LRRN2: variants seen among roughly 807,000 people sequenced by gnomAD.
LRRN2 encodes leucine rich repeat neuronal 2, also known as leucine-rich repeat neuronal protein 2.
LRRN2 carries 10 observed loss-of-function variants against 35.7 expected under a neutral mutation model. That is an observed-to-expected ratio of 0.28 (90% CI 0.17 to 0.47). LRRN2 has a LOEUF of 0.47. LRRN2 is among the 20% of genes least tolerant of loss of function. LRRN2 has a pLI of 0.99. For missense variants in LRRN2, 731 were observed against 940.3 expected (o/e 0.78, Z 2.91); for synonymous variants, 391 against 409.6 (o/e 0.95, Z 0.55).
chr1:204,638,290 C>T (rs924550063), intron 1 of LRRN2, among the ~76,000 whole-genome samples: 10 of 151,860 alleles, frequency 6.6e-5, no homozygotes, highest in Non-Finnish European at 1.3e-4. Context: ...TGATTTTGTG[C>T]ACCATTTCAT....
chr1:204,631,346 G>C (rs554223842), intron 1 of LRRN2, among the ~76,000 whole-genome samples: 1 of 129,010 alleles, frequency 7.8e-6, no homozygotes, highest in East Asian at 2.4e-4. Flanking sequence ...GGGTTTTCAA[G>C]ACTCCCCTCA....
chr1:204,644,439 C>A (rs1290877424), intron 1 of LRRN2, among the ~76,000 whole-genome samples: 3 of 152,202 alleles, frequency 2.0e-5, no homozygotes, highest in Non-Finnish European at 4.4e-5. Context: ...CTGCCCACCT[C>A]TTCAGATCCT....
In LRRN2 at chr1:204,631,256, C is replaced by CAATATATATATATATATATATA. The variant is rs1282306008; in HGVS notation, c.-226-11039_-226-11038insTATATATATATATATATATATT. On this transcript the variant is annotated intron_variant, in intron 1 of 1. Transcript: ENST00000367177. ...CAAGAAGAGTGATACCTAGAGTGTT[C>CAATATATATATATATATATATA]TATATATATATATATATATATATAT... Among the ~76,000 whole-genome samples the CAATATATATATATATATATATA allele has an allele frequency of 6.5e-4, 24 of 36,914 alleles. 5 individuals are homozygous for CAATATATATATATATATATATA. The highest frequency in any genetic ancestry group is 5.4e-3 in the South Asian group (5 of 928). 24.2% of individuals were successfully genotyped at this position (36,914 alleles called of 152,430 possible).
chr1:204,623,644 T>G (rs747343734), intron 1 of LRRN2, among the ~76,000 whole-genome samples: 1 of 152,228 alleles, frequency 6.6e-6, no homozygotes, highest in African/African-American at 2.4e-5. Context: ...GCAGGCTGAT[T>G]AGCAGTTTCT....
chr1:204,644,879 C>T (rs1377891542), intron 1 of LRRN2, among the ~76,000 whole-genome samples: 1 of 152,200 alleles, frequency 6.6e-6, no homozygotes, highest in East Asian at 1.9e-4. Flanking sequence ...GCAGTCCCTC[C>T]CCAAGGGTAG....
chr1:204,682,699 T>C lies in LRRN2; in HGVS notation c.-227+2621A>G, dbSNP rs1160098793. Among the ~76,000 whole-genome samples the C allele has an allele frequency of 2.0e-5, 3 of 152,230 alleles. No homozygotes were observed. The East Asian group carries it at 5.8e-4, about 29-fold the overall frequency. On this transcript the variant is annotated intron_variant, in intron 1 of 1. Transcript: ENST00000367177. ...TTTGATTCCTTCCCCCTTCTCTGTC[T>C]GAAGCACCAGCCTTCTACTTGCCCT...
At chr1:204,660,719 A>C (rs1176022228) in intron 1 of LRRN2, among the ~76,000 whole-genome samples, 1 of 152,130 alleles carries the variant, frequency 6.6e-6, no homozygotes, top group Non-Finnish European at 1.5e-5. Flanking sequence ...GAGAGGCCTA[A>C]ATAAGTTGCA....
chr1:204,636,732 T>C (rs532700545), intron 1 of LRRN2, among the ~76,000 whole-genome samples: 9 of 152,242 alleles, frequency 5.9e-5, no homozygotes, highest in African/African-American at 1.9e-4. Context: ...ATGACTGCAC[T>C]CCAGCCTGGG....
At chr1:204,625,761 T>C (rs1391074589) in intron 1 of LRRN2, among the ~76,000 whole-genome samples, 1 of 152,248 alleles carries the variant, frequency 6.6e-6, no homozygotes, top group African/African-American at 2.4e-5. Context: ...ATTAGGGAAC[T>C]TTAAATCCAC....
In LRRN2 at chr1:204,617,599, CAA is replaced by C. The variant is rs1666432777; in HGVS notation, c.*250_*251del. On this transcript the variant is annotated 3_prime_UTR_variant, in exon 2 of 2. Coordinates refer to ENST00000367177, the MANE Select transcript of LRRN2 (RefSeq NM_201630.2). ...AGATGGGGAGGCAGGAGGCTCTAGC[CAA>C]AGTCCCTCCTGTTCCTTGGAGATGT... is the stretch of plus-strand genomic sequence containing the variant. 1 of 505,226 alleles carries C rather than the reference CAA, an allele frequency of 2.0e-6. No individual in the cohort carries two copies. The highest frequency in any genetic ancestry group is 3.5e-6 in the Non-Finnish European group (1 of 282,488). 31.3% of individuals were successfully genotyped at this position (505,226 alleles called of 1,614,324 possible).
chr1:204,655,724 G>C lies in LRRN2; in HGVS notation c.-227+29596C>G, dbSNP rs562215814. Reference sequence around the variant, plus strand: ...ATAGATACAAGATGAACAAGATCCAGCCTCTGTCCTGAGGGAGATCTGTAC... The same window carrying C: ...ATAGATACAAGATGAACAAGATCCACCCTCTGTCCTGAGGGAGATCTGTAC... On this transcript the variant is annotated intron_variant, in intron 1 of 1. Coordinates refer to ENST00000367177, the MANE Select transcript of LRRN2 (RefSeq NM_201630.2). Among the ~76,000 whole-genome samples the C allele has an allele frequency of 2.6e-5, 4 of 152,068 alleles. No homozygotes were observed. The South Asian group carries it at 6.2e-4, about 24-fold the overall frequency.
At chr1:204,674,184 C>T (rs1558423333) in intron 1 of LRRN2, among the ~76,000 whole-genome samples, 1 of 152,130 alleles carries the variant, frequency 6.6e-6, no homozygotes, top group Non-Finnish European at 1.5e-5. Flanking sequence ...AAGCAGCTCC[C>T]TTACTTTGGA....
rs190765554 is a variant in LRRN2, at chr1:204,656,725, G to C, written c.-227+28595C>G. Among the ~76,000 whole-genome samples the C allele has an allele frequency of 3.2e-3, 484 of 152,312 alleles. 6 individuals are homozygous for C. The highest frequency in any genetic ancestry group is 0.011 in the African/African-American group (464 of 41,564). Reference sequence around the variant, plus strand: ...GTTCCATGACCTATTTGCGTCTAGGGCTGCTGTTGAGAAGTCTGCTCTATC... The same window carrying C: ...GTTCCATGACCTATTTGCGTCTAGGCCTGCTGTTGAGAAGTCTGCTCTATC... On this transcript the variant is annotated intron_variant, in intron 1 of 1. Coordinates refer to ENST00000367177, the MANE Select transcript of LRRN2 (RefSeq NM_201630.2).
At chr1:204,683,322 G>A (rs1312064701) in intron 1 of LRRN2, among the ~76,000 whole-genome samples, 1 of 152,212 alleles carries the variant, frequency 6.6e-6, no homozygotes, top group East Asian at 1.9e-4. Context: ...GCAGGGCAAA[G>A]TGGAGACAGA....
Position 204,619,462 on chromosome 1 carries a change from C to T in LRRN2, c.531G>A (p.Leu177=), listed in dbSNP as rs1282075505. ...LLRLHLNSNL[L]RAIDSRWFEM... ...CAAACCAGCGGCTGTCAATGGCCCT[C>T]AGGAGGTTGGAGTTGAGGTGCAGCC... The change falls in exon 2 of 2, where the codon CTG becomes CTA. Residue 177 remains leucine, a synonymous_variant. Transcript: ENST00000367177. The T allele has an allele frequency of 6.2e-6, 10 of 1,614,104 alleles. No individual in the cohort carries two copies. The highest frequency in any genetic ancestry group is 1.7e-5 in the Admixed American group (1 of 60,008).
At chr1:204,643,219 G>A (rs1169491957) in intron 1 of LRRN2, among the ~76,000 whole-genome samples, 2 of 152,180 alleles carry the variant, frequency 1.3e-5, no homozygotes, top group Non-Finnish European at 2.9e-5. Flanking sequence ...CAGAAACTAT[G>A]TATTTTATAA....
At chr1:204,639,233 T>C (rs1480529369) in intron 1 of LRRN2, among the ~76,000 whole-genome samples, 1 of 152,232 alleles carries the variant, frequency 6.6e-6, no homozygotes, top group African/African-American at 2.4e-5. Flanking sequence ...CAAAGATTCA[T>C]TGAGCCCAAT....
At chr1:204,655,611 GT>G (rs71789272) in intron 1 of LRRN2, among the ~76,000 whole-genome samples, 61,467 of 147,940 alleles carry the variant, frequency 0.42, 13,602 homozygotes, top group Admixed American at 0.51. Flanking sequence ...AGGTTTTTTT[GT>G]TTTTTTTTTT....
intron 1 of LRRN2, among the ~76,000 whole-genome samples, chr1:204,679,299 G>A (rs1172365860): frequency 6.6e-6 from 1 of 152,184 alleles, no homozygotes; most frequent in East Asian, 1.9e-4. Context: ...GCCCTCTGTG[G>A]TCATTCCCCC....
Sources: gnomAD v4.1 joint callset for allele counts (sites outside exome capture counted in the v4.1 genomes callset) on GRCh38, gnomAD v4.1.1 for gene constraint, MANE v1.5 for transcripts, NCBI Gene and HGNC (gene_info 2026-07-23, HGNC 2026-07-21) for gene names.